ADAMTS12: variants seen among roughly 807,000 people sequenced by gnomAD.
ADAMTS12 encodes the protein A disintegrin and metalloproteinase with thrombospondin motifs 12.
Under a neutral mutation model 167.8 loss-of-function variants are expected in ADAMTS12, and 118 were observed. The observed-to-expected ratio is 0.70, with a 90% CI of 0.61 to 0.82. ADAMTS12 has a LOEUF of 0.82. Ranked by LOEUF, ADAMTS12 falls within the 40% of genes least tolerant of loss-of-function variation. The pLI is 0.00. For missense variants in ADAMTS12, 1,916 were observed against 1,998.8 expected (o/e 0.96, Z 0.79); for synonymous variants, 704 against 716.9 (o/e 0.98, Z 0.29).
chr5:33,605,891 T>C (rs1253753159), intron 16 of ADAMTS12, among the ~76,000 whole-genome samples: 1 of 152,206 alleles, frequency 6.6e-6, no homozygotes, highest in Admixed American at 6.5e-5. Flanking sequence ...CAAAGTTATA[T>C]AGTTGATAGC....
chr5:33,866,639 A>C (rs1001824142), intron 2 of ADAMTS12, among the ~76,000 whole-genome samples: 2 of 152,128 alleles, frequency 1.3e-5, no homozygotes, highest in Non-Finnish European at 2.9e-5. Flanking sequence ...CAAAATAAAT[A>C]ATCATCAGAG....
At chr5:33,688,316 G>A (rs916114916) in intron 3 of ADAMTS12, among the ~76,000 whole-genome samples, 1 of 149,960 alleles carries the variant, frequency 6.7e-6, no homozygotes, top group Non-Finnish European at 1.5e-5. Flanking sequence ...CAAACGGGCA[G>A]CTTAAGCAAG....
At chr5:33,863,084 T>C (rs1749682470) in intron 2 of ADAMTS12, among the ~76,000 whole-genome samples, 1 of 152,144 alleles carries the variant, frequency 6.6e-6, no homozygotes, top group South Asian at 2.1e-4. Context: ...ACAGCCAATA[T>C]CATACTGAAT....
At chr5:33,891,340 A>G (rs1353948127) in intron 1 of ADAMTS12, among the ~76,000 whole-genome samples, 1 of 152,172 alleles carries the variant, frequency 6.6e-6, no homozygotes, top group Non-Finnish European at 1.5e-5. Flanking sequence ...AAACACTGCA[A>G]TGACGGCCAG....
At chr5:33,815,085 G>T (rs1236885008) in intron 2 of ADAMTS12, among the ~76,000 whole-genome samples, 2 of 152,162 alleles carry the variant, frequency 1.3e-5, no homozygotes, top group Non-Finnish European at 2.9e-5. Flanking sequence ...AGAAATAACA[G>T]CAAGATGGTG....
chr5:33,683,226 G>A (rs537209172), intron 4 of ADAMTS12, 125 bp from the exon 5 acceptor site: 262 of 703,808 alleles, frequency 3.7e-4, no homozygotes, highest in Non-Finnish European at 5.0e-4. Context: ...ATGTTTGGCG[G>A]TGTGCTAAGA....
At chr5:33,747,097 T>C (rs2112383125) in intron 3 of ADAMTS12, among the ~76,000 whole-genome samples, 1 of 152,354 alleles carries the variant, frequency 6.6e-6, no homozygotes, top group African/African-American at 2.4e-5. Context: ...ATCTGGGATA[T>C]GTGCTGCTCC....
chr5:33,620,511 T>C (rs2112111102), intron 14 of ADAMTS12, among the ~76,000 whole-genome samples: 1 of 152,220 alleles, frequency 6.6e-6, no homozygotes, highest in East Asian at 1.9e-4. Context: ...CAAGAGGAGG[T>C]GGCTATGAAA....
intron 12 of ADAMTS12, among the ~76,000 whole-genome samples, chr5:33,635,014 A>G (rs534794914): frequency 5.4e-4 from 82 of 152,178 alleles, no homozygotes; most frequent in African/African-American, 2.0e-3. Flanking sequence ...GGGGTGCACC[A>G]CTATGCCTGG....
At chr5:33,541,201 T>A (rs898942880) in intron 22 of ADAMTS12, among the ~76,000 whole-genome samples, 4 of 152,118 alleles carry the variant, frequency 2.6e-5, no homozygotes, top group African/African-American at 9.7e-5. Context: ...TAAGCTTCAA[T>A]AGCAGATTCA....
At chr5:33,533,689 C>T (rs1476275958) in intron 23 of ADAMTS12, among the ~76,000 whole-genome samples, 1 of 152,316 alleles carries the variant, frequency 6.6e-6, no homozygotes, top group South Asian at 2.1e-4. Flanking sequence ...AAAGCATTTC[C>T]TCGCTCAGTG....
At chr5:33,570,981 G>C (rs1483959185) in intron 19 of ADAMTS12, among the ~76,000 whole-genome samples, 1 of 151,324 alleles carries the variant, frequency 6.6e-6, no homozygotes, top group Non-Finnish European at 1.5e-5. Flanking sequence ...AACCAACAAA[G>C]ATCAAAAGAG....
At chr5:33,881,552 C>G in intron 1 of ADAMTS12, 72 bp from the exon 2 acceptor site, 1 of 1,499,730 alleles carries the variant, frequency 6.7e-7, no homozygotes. Context: ...TCGTTTGGAA[C>G]TTGAATGCTA....
At chr5:33,687,497 T>C (rs1742377354) in intron 3 of ADAMTS12, among the ~76,000 whole-genome samples, 1 of 152,236 alleles carries the variant, frequency 6.6e-6, no homozygotes, top group African/African-American at 2.4e-5. Context: ...AGGCCCAAGT[T>C]ACTCTCCTGA....
Position 33,524,040 on chromosome 5 carries a change from A to C in ADAMTS12, c.*3148T>G, listed in dbSNP as rs370211335. On this transcript the variant is annotated 3_prime_UTR_variant, in exon 24 of 24. Coordinates refer to ENST00000504830, the MANE Select transcript of ADAMTS12 (RefSeq NM_030955.4). The stretch of plus-strand genomic sequence containing the variant: ...ATGGGATGTTATTATCTAAAACAAT[A>C]TAATCTCTCACATTGTGTTTCAGAT... The C allele has an allele frequency of 1.3e-5, 2 of 152,392 alleles. No individual in the cohort carries two copies. Among genetic ancestry groups the C allele is most frequent in the East Asian group, 3.9e-4 (2 of 5,190 alleles). The allele number at this position is 152,392 out of a possible 1,614,324, so 9.4% of individuals were successfully genotyped here.
intron 17 of ADAMTS12, among the ~76,000 whole-genome samples, chr5:33,591,581 T>C (rs1561151637): frequency 6.6e-6 from 1 of 152,226 alleles, no homozygotes; most frequent in African/African-American, 2.4e-5. Flanking sequence ...TGTGTACCCA[T>C]TGTCTCCATA....
At chr5:33,720,789 T>G (rs1743780949) in intron 3 of ADAMTS12, among the ~76,000 whole-genome samples, 1 of 152,150 alleles carries the variant, frequency 6.6e-6, no homozygotes, top group Admixed American at 6.5e-5. Flanking sequence ...ACTGACAGTT[T>G]CAACTAAAGC....
chr5:33,545,975 C>T (rs1329002139), intron 22 of ADAMTS12, 84 bp downstream of exon 22: 48 of 1,500,014 alleles, frequency 3.2e-5, no homozygotes, highest in Non-Finnish European at 3.6e-5. Context: ...CAAACCTGCA[C>T]GTTGTGCACA....
intron 2 of ADAMTS12, among the ~76,000 whole-genome samples, chr5:33,862,138 C>T (rs1288650718): frequency 6.6e-6 from 1 of 152,068 alleles, no homozygotes. Context: ...CAAGAACAAA[C>T]AAATTCAAAA....
Sources: gnomAD v4.1 joint callset for allele counts (sites outside exome capture counted in the v4.1 genomes callset) on GRCh38, gnomAD v4.1.1 for gene constraint, MANE v1.5 for transcripts, NCBI Gene and HGNC (gene_info 2026-07-23, HGNC 2026-07-21) for gene names.